The following PRRC2B variants were observed in gnomAD, a reference collection of about 807,000 sequenced individuals.
PRRC2B encodes protein PRRC2B.
A neutral mutation model predicts 242.3 loss-of-function variants in PRRC2B; 68 were observed. That is an observed-to-expected ratio of 0.28 (90% CI 0.23 to 0.34). The LOEUF is 0.34. Ranked by LOEUF, PRRC2B falls within the 10% of genes least tolerant of loss-of-function variation. The probability of loss-of-function intolerance (pLI) is 1.00; values close to 1 mark genes in which losing one functional copy is unlikely to be tolerated. For missense variants in PRRC2B, 2,835 were observed against 2,954.8 expected, an observed-to-expected ratio of 0.96 and a Z score of 0.94; for synonymous variants, 1,228 against 1,173.6, an observed-to-expected ratio of 1.05 and a Z score of -0.95.
chr9:131,432,611 C>T lies in PRRC2B; in HGVS notation c.116-6C>T, dbSNP rs370315871. On this transcript the variant is annotated splice_region_variant and splice_polypyrimidine_tract_variant and intron_variant, in intron 2 of 31. Coordinates refer to ENST00000683519, the MANE Select transcript of PRRC2B (RefSeq NM_013318.4). ...TGGTGTCTGTTCCATGTCCCTCTCC[C>T]TGCAGTTATTCCTAGACATGGCTTA... 52 of 1,613,400 alleles carry T rather than the reference C, an allele frequency of 3.2e-5. 1 individual carries two copies. In the Admixed American group the frequency reaches 4.2e-4, roughly 13 times the overall value.
intron 30 of PRRC2B, among the ~76,000 whole-genome samples, chr9:131,493,523 A>G (rs1386650009): frequency 1.3e-5 from 2 of 152,272 alleles, no homozygotes; most frequent in Non-Finnish European, 2.9e-5. Flanking sequence ...CTCACGGGAC[A>G]AGAGTCGCCT....
At chr9:131,395,435 G>C (rs765313175) in intron 1 of PRRC2B, among the ~76,000 whole-genome samples, 4 of 152,158 alleles carry the variant, frequency 2.6e-5, no homozygotes, top group Non-Finnish European at 5.9e-5. Flanking sequence ...AGGTGGGACT[G>C]GGGAGGCCCA....
In PRRC2B at chr9:131,496,959, TTTCC is replaced by T. The variant is rs1035424035; in HGVS notation, c.*1095_*1098del. ...CCTGAAGCCTTCTGTAACCTGTCAT[TTTCC>T]TTCCTTCCTCTTCCGGAGCCTGCTG... On this transcript the variant is annotated 3_prime_UTR_variant, in exon 32 of 32. Coordinates refer to ENST00000683519, the MANE Select transcript of PRRC2B (RefSeq NM_013318.4). The T allele has an allele frequency of 2.6e-5, 4 of 152,474 alleles. No homozygotes were observed. Among genetic ancestry groups the T allele is most frequent in the African/African-American group, 9.6e-5 (4 of 41,480 alleles). The allele number at this position is 152,474 out of a possible 1,614,324, so 9.4% of individuals were successfully genotyped here. A position where few individuals can be genotyped will look rare whatever the true frequency, so the allele number is the denominator to read the frequency against.
intron 12 of PRRC2B, among the ~76,000 whole-genome samples, chr9:131,466,624 CT>C (rs11409798): frequency 5.4e-5 from 8 of 147,788 alleles, no homozygotes; most frequent in African/African-American, 9.9e-5. Context: ...TCTATCAGTC[CT>C]TTTTTTTTTG....
In PRRC2B at chr9:131,411,348, GTTTTGT is replaced by G. The variant is rs1159025227; in HGVS notation, c.-52+17090_-52+17095del. On this transcript the variant is annotated intron_variant, in intron 1 of 31. Transcript: ENST00000683519. Reference sequence around the variant, plus strand: ...GTTTTTTTGTTTTGTTTTGTTTTTTGTTTTGTTTTTTTTTTTGAGACGGAGTCTTGC... The same window carrying G: ...GTTTTTTTGTTTTGTTTTGTTTTTTGTTTTTTTTTTGAGACGGAGTCTTGC... Among the ~76,000 whole-genome samples, 45 of 58,956 alleles carry G rather than the reference GTTTTGT, an allele frequency of 7.6e-4. No individual in the cohort carries two copies. The East Asian group carries it at 0.024, about 31-fold the overall frequency. 38.7% of individuals were successfully genotyped at this position (58,956 alleles called of 152,430 possible).
At chr9:131,459,117 G>A (rs1302178365) in intron 10 of PRRC2B, 47 bp from the exon 11 acceptor site, 1 of 1,572,538 alleles carries the variant, frequency 6.4e-7, no homozygotes, top group African/African-American at 1.3e-5. Flanking sequence ...GATCAGAAAT[G>A]CTTGGCCTGA....
chr9:131,474,766 C>T lies in PRRC2B; in HGVS notation c.2637C>T (p.Thr879=), dbSNP rs376859451. 1.2e-5 allele frequency: 19 copies of T among 1,612,620 alleles called. No individual in the cohort carries two copies. Among genetic ancestry groups the T allele is most frequent in the Middle Eastern group, 1.7e-4 (1 of 6,058 alleles). The change falls in exon 16 of 32, where the codon ACC becomes ACT. Residue 879 remains threonine (T), a synonymous_variant. Coordinates refer to ENST00000683519, the MANE Select transcript of PRRC2B (RefSeq NM_013318.4). ...GGGATGTTAGCCACCAGCCAGAGAC[C>T]GCTGACACAGCCCATGGTGTTGAGC... The part of the protein sequence containing the change: ...GSWDVSHQPE[T]ADTAHGVERE...
intron 5 of PRRC2B, among the ~76,000 whole-genome samples, chr9:131,442,095 G>GT (rs1291744103): frequency 2.6e-5 from 4 of 151,870 alleles, no homozygotes; most frequent in South Asian, 2.1e-4. Flanking sequence ...ACAGGTGCTG[G>GT]TTTTTTTCCT....
At chr9:131,465,883 C>T (rs976078091) in intron 12 of PRRC2B, among the ~76,000 whole-genome samples, 1 of 152,192 alleles carries the variant, frequency 6.6e-6, no homozygotes, top group Non-Finnish European at 1.5e-5. Context: ...TGCCACGACG[C>T]CCAGCTAATT....
intron 28 of PRRC2B, chr9:131,490,525 A>G (rs755732860): frequency 1.9e-6 from 1 of 519,060 alleles, no homozygotes; most frequent in Non-Finnish European, 3.8e-6. Context: ...CTGACCCTCC[A>G]CTGTGGACTC....
intron 1 of PRRC2B, among the ~76,000 whole-genome samples, chr9:131,424,594 G>A (rs12376904): frequency 1.3e-5 from 2 of 152,122 alleles, no homozygotes; most frequent in Non-Finnish European, 2.9e-5. Flanking sequence ...GCTGAGGCTG[G>A]AGAATCACTT....
At chr9:131,400,933 T>C (rs963120938) in intron 1 of PRRC2B, among the ~76,000 whole-genome samples, 6 of 151,720 alleles carry the variant, frequency 4.0e-5, no homozygotes, top group African/African-American at 1.4e-4. Flanking sequence ...CACCTAACTT[T>C]GGCCTCATCC....
chr9:131,459,970 C>CAAAAAAAAAAAAAAAAAAAAAAACA (rs34696844), intron 11 of PRRC2B, among the ~76,000 whole-genome samples: 1 of 87,098 alleles, frequency 1.1e-5, no homozygotes, highest in Non-Finnish European at 2.2e-5. Flanking sequence ...ACCCTATCTC[C>CAAAAAAAAAAAAAAAAAAAAAAACA]AAAAAAAAAA....
chr9:131,438,914 C>T, intron 4 of PRRC2B, 75 bp from the exon 5 acceptor site: 4 of 1,196,680 alleles, frequency 3.3e-6, no homozygotes, highest in Non-Finnish European at 4.9e-6. Context: ...CCTCTCAGCA[C>T]CTTGTTGTAA....
At chr9:131,474,355 GT>G in intron 15 of PRRC2B, 98 bp from the exon 16 acceptor site, 1 of 1,051,688 alleles carries the variant, frequency 9.5e-7, no homozygotes, top group Non-Finnish European at 1.4e-6. Context: ...TTTAGTTTTT[GT>G]TTTTGTTTTT....
Position 131,476,192 on chromosome 9 carries a change from G to A in PRRC2B, c.4063G>A (p.Gly1355Ser). The A allele has an allele frequency of 2.5e-6, 4 of 1,613,582 alleles. No individual in the cohort carries two copies. The highest frequency in any genetic ancestry group is 3.4e-6 in the Non-Finnish European group (4 of 1,179,872). ...TTCTGGGGACAAGAGTGGCACTGTG[G>A]GCCGCAGGTCCCCTGAGCTCTCCTA... ...LCSGDKSGTVGRRSPELSYQN... is the reference protein window; with the variant it reads ...LCSGDKSGTVSRRSPELSYQN... The change falls in exon 16 of 32, where the codon GGC becomes AGC. Residue 1355 changes from glycine to serine, a missense_variant. Coordinates refer to ENST00000683519, the MANE Select transcript of PRRC2B (RefSeq NM_013318.4).
chr9:131,404,501 C>T (rs192668494), intron 1 of PRRC2B, among the ~76,000 whole-genome samples: 27 of 152,098 alleles, frequency 1.8e-4, no homozygotes, highest in East Asian at 5.8e-4. Flanking sequence ...GGATTACAGG[C>T]GTGAGCCACT....
intron 5 of PRRC2B, among the ~76,000 whole-genome samples, chr9:131,442,949 C>T (rs974513925): frequency 7.9e-5 from 12 of 152,114 alleles, no homozygotes; most frequent in Admixed American, 3.3e-4. Flanking sequence ...TAAACTGTTC[C>T]CAGGATTATA....
chr9:131,429,366 CTTCT>C (rs1838063754), intron 1 of PRRC2B, among the ~76,000 whole-genome samples: 1 of 152,184 alleles, frequency 6.6e-6, no homozygotes, highest in Admixed American at 6.5e-5. Flanking sequence ...AGGAGGGAAG[CTTCT>C]TTCTTGGAGG....
Sources: allele counts gnomAD v4.1 joint callset (sites outside exome capture counted in the v4.1 genomes callset), GRCh38; gene constraint gnomAD v4.1.1; transcripts MANE v1.5; gene names NCBI Gene and HGNC (gene_info 2026-07-23, HGNC 2026-07-21).